The following IMMP2L variants were observed in gnomAD, a reference collection of about 807,000 sequenced individuals.
The protein encoded by IMMP2L is inner mitochondrial membrane peptidase subunit 2, also known as mitochondrial inner membrane protease subunit 2.
A neutral mutation model predicts 19.3 loss-of-function variants in IMMP2L; 18 were observed. That is an observed-to-expected ratio of 0.93 (90% confidence interval 0.64 to 1.38). The LOEUF (loss-of-function observed/expected upper bound fraction) is 1.38. Ranked by LOEUF, IMMP2L falls within the 40% of genes most tolerant of loss-of-function variation. The probability of loss-of-function intolerance (pLI) is 0.00; values close to 1 mark genes in which losing one functional copy is unlikely to be tolerated. For missense variants in IMMP2L, 233 were observed against 218.2 expected, an observed-to-expected ratio of 1.07 and a Z score of -0.43; for synonymous variants, 76 against 73.0, an observed-to-expected ratio of 1.04 and a Z score of -0.21.
At position 110,955,526 on chromosome 7, in the gene IMMP2L, A is replaced by G. The variant is rs115654936; in HGVS notation, c.305+7974T>C. ...CAGCATCGGTCAGACCCCAAGCAGT[A>G]AAGACAGGTGTACAATACTATTTTA... is the stretch of plus-strand genomic sequence containing the variant. On this transcript the variant is annotated intron_variant, in intron 4 of 5. Transcript: ENST00000405709. 4.0e-3 allele frequency among the ~76,000 whole-genome samples: 609 copies of G among 151,876 alleles called. 4 individuals are homozygous for G. The highest frequency in any genetic ancestry group is 0.013 in the African/African-American group (557 of 41,506).
At chr7:111,064,079 C>T (rs1019361316) in intron 3 of IMMP2L, among the ~76,000 whole-genome samples, 2 of 152,098 alleles carry the variant, frequency 1.3e-5, no homozygotes, top group East Asian at 3.9e-4. Flanking sequence ...ATACCTGAGG[C>T]TGGGAAATTT....
chr7:111,371,016 G>A (rs1013897657), intron 3 of IMMP2L, among the ~76,000 whole-genome samples: 5 of 151,764 alleles, frequency 3.3e-5, no homozygotes, highest in African/African-American at 1.2e-4. Context: ...TTATTCAATA[G>A]TCAAGTGCAA....
At chr7:111,155,566 G>C (rs1220062979) in intron 3 of IMMP2L, among the ~76,000 whole-genome samples, 1 of 151,514 alleles carries the variant, frequency 6.6e-6, no homozygotes, top group African/African-American at 2.4e-5. Flanking sequence ...AGAAAGCCTT[G>C]CATTTATATT....
chr7:111,141,439 TC>T (rs1254206119), intron 3 of IMMP2L, among the ~76,000 whole-genome samples: 12 of 151,794 alleles, frequency 7.9e-5, no homozygotes, highest in African/African-American at 1.7e-4. Flanking sequence ...TACATTTCTT[TC>T]TTTTTTTTTT....
intron 1 of IMMP2L, among the ~76,000 whole-genome samples, chr7:111,551,973 G>A (rs751703299): frequency 6.6e-6 from 1 of 152,156 alleles, no homozygotes; most frequent in Non-Finnish European, 1.5e-5. Flanking sequence ...GTTTCCTCAA[G>A]GAGATGCTCT....
At chr7:110,715,461 G>A (rs888739629) in intron 5 of IMMP2L, among the ~76,000 whole-genome samples, 1 of 152,090 alleles carries the variant, frequency 6.6e-6, no homozygotes, top group Non-Finnish European at 1.5e-5. Flanking sequence ...ATTTTGGTAT[G>A]TTGTATCTGG....
chr7:111,230,400 G>T (rs1813586852), intron 3 of IMMP2L, among the ~76,000 whole-genome samples: 1 of 151,986 alleles, frequency 6.6e-6, no homozygotes, highest in Admixed American at 6.6e-5. Context: ...AGATTCAAAA[G>T]GGAAGAAATG....
intron 4 of IMMP2L, among the ~76,000 whole-genome samples, chr7:110,910,969 A>G (rs992965972): frequency 6.6e-6 from 1 of 152,120 alleles, no homozygotes; most frequent in East Asian, 1.9e-4. Context: ...AGCAAATGGG[A>G]AGGCTGCAGG....
intron 5 of IMMP2L, among the ~76,000 whole-genome samples, chr7:110,682,406 A>C (rs1792788985): frequency 6.6e-6 from 1 of 152,152 alleles, no homozygotes; most frequent in Admixed American, 6.5e-5. Context: ...GAGCTTCTTG[A>C]AGCAGGCACT....
At chr7:111,338,434 A>G (rs1222809462) in intron 3 of IMMP2L, among the ~76,000 whole-genome samples, 1 of 152,002 alleles carries the variant, frequency 6.6e-6, no homozygotes, top group Non-Finnish European at 1.5e-5. Context: ...GTTATTGCAT[A>G]AATGGGGACT....
chr7:111,365,618 T>C (rs187593665), intron 3 of IMMP2L, among the ~76,000 whole-genome samples: 2 of 152,222 alleles, frequency 1.3e-5, no homozygotes, highest in Non-Finnish European at 2.9e-5. Flanking sequence ...GGAGAAACAA[T>C]TACCAACTAG....
At position 111,276,575 on chromosome 7, in the gene IMMP2L, T is replaced by C. The variant is rs775099663; in HGVS notation, c.239+210663A>G. On this transcript the variant is annotated intron_variant, in intron 3 of 5. Transcript: ENST00000405709. Reference sequence around the variant, plus strand: ...ATTCAGCTGTGATCCCATCTGATCCTGGGCTTTTACCAATGTCATTTTTCA... The same window carrying C: ...ATTCAGCTGTGATCCCATCTGATCCCGGGCTTTTACCAATGTCATTTTTCA... Among the ~76,000 whole-genome samples, 146 of 150,216 alleles carry C rather than the reference T, an allele frequency of 9.7e-4. No individual in the cohort carries two copies. In the Middle Eastern group the frequency reaches 0.017, roughly 18 times the overall value.
At chr7:111,327,980 A>T (rs1161425672) in intron 3 of IMMP2L, among the ~76,000 whole-genome samples, 1 of 151,770 alleles carries the variant, frequency 6.6e-6, no homozygotes, top group East Asian at 1.9e-4. Flanking sequence ...TACATATGAG[A>T]ATAAAGTATT....
chr7:111,385,134 AC>A (rs1172622170), intron 3 of IMMP2L, among the ~76,000 whole-genome samples: 4 of 152,124 alleles, frequency 2.6e-5, no homozygotes, highest in African/African-American at 4.8e-5. Context: ...GTCAAATGGT[AC>A]TACTGGGAAA....
intron 3 of IMMP2L, among the ~76,000 whole-genome samples, chr7:111,014,079 A>G (rs182199158): frequency 6.6e-6 from 1 of 152,206 alleles, no homozygotes; most frequent in East Asian, 1.9e-4. Context: ...ATAAGTACAA[A>G]CAGGCCAGGT....
chr7:111,144,594 G>A (rs992579515), intron 3 of IMMP2L, among the ~76,000 whole-genome samples: 1 of 151,816 alleles, frequency 6.6e-6, no homozygotes, highest in Non-Finnish European at 1.5e-5. Context: ...AAATACTTAC[G>A]CTTATTTAAG....
intron 4 of IMMP2L, among the ~76,000 whole-genome samples, chr7:110,952,843 A>T (rs1489807092): frequency 6.6e-6 from 1 of 152,146 alleles, no homozygotes; most frequent in African/African-American, 2.4e-5. Flanking sequence ...AATATAAAAA[A>T]TATTGAATAA....
chr7:111,542,043 T>C (rs1299552534), intron 1 of IMMP2L, among the ~76,000 whole-genome samples: 1 of 152,230 alleles, frequency 6.6e-6, no homozygotes, highest in African/African-American at 2.4e-5. Flanking sequence ...GCCAAAATCA[T>C]ATCAACATTT....
chr7:110,682,277 C>T (rs1026333299), intron 5 of IMMP2L, among the ~76,000 whole-genome samples: 1 of 152,168 alleles, frequency 6.6e-6, no homozygotes, highest in Non-Finnish European at 1.5e-5. Context: ...TACATGCCAC[C>T]TCCTTCTGGA....
Sources: gnomAD v4.1 joint callset for allele counts (sites outside exome capture counted in the v4.1 genomes callset) on GRCh38, gnomAD v4.1.1 for gene constraint, MANE v1.5 for transcripts, NCBI Gene and HGNC (gene_info 2026-07-23, HGNC 2026-07-21) for gene names.